The following EPB41L3 variants were observed in gnomAD, a reference collection of about 807,000 sequenced individuals.
The protein encoded by EPB41L3 is erythrocyte membrane protein band 4.1 like 3, also known as band 4.1-like protein 3.
In EPB41L3, 57 loss-of-function variants were observed where a neutral mutation model predicts 127.1. That is an observed-to-expected ratio of 0.45 (90% CI 0.36 to 0.56). The LOEUF (loss-of-function observed/expected upper bound fraction) is 0.56, where lower values mean the gene tolerates loss of function less well. EPB41L3 is among the 20% of genes least tolerant of loss of function. The probability of loss-of-function intolerance (pLI) is 0.00; values close to 1 mark genes in which losing one functional copy is unlikely to be tolerated. For synonymous variants in EPB41L3, 572 were observed against 549.5 expected (o/e 1.04, Z -0.57); for missense variants, 1,273 against 1,372.2 (o/e 0.93, Z 1.14).
At chr18:5,496,329 G>A (rs1169267766) in intron 1 of EPB41L3, among the ~76,000 whole-genome samples, 1 of 152,224 alleles carries the variant, frequency 6.6e-6, no homozygotes, top group Admixed American at 6.5e-5. Flanking sequence ...ATTTGCCTAT[G>A]CTTCTGAAAC....
intron 3 of EPB41L3, among the ~76,000 whole-genome samples, chr18:5,597,172 T>C (rs1409187533): frequency 3.3e-5 from 5 of 152,208 alleles, no homozygotes; most frequent in African/African-American, 4.8e-5. Flanking sequence ...CATTTGTTCC[T>C]AATCTCCCCC....
At chr18:5,476,447 C>G (rs1229303100) in intron 3 of EPB41L3, among the ~76,000 whole-genome samples, 1 of 152,148 alleles carries the variant, frequency 6.6e-6, no homozygotes, top group Non-Finnish European at 1.5e-5. Flanking sequence ...AGTAATGAAT[C>G]TGAAGCACAG....
intron 22 of EPB41L3, chr18:5,394,434 T>C (rs1466669178): frequency 2.4e-6 from 1 of 411,450 alleles, no homozygotes; most frequent in African/African-American, 2.0e-5. Flanking sequence ...CACACAAGCA[T>C]AGAAGCATAG....
intron 9 of EPB41L3, among the ~76,000 whole-genome samples, chr18:5,426,069 T>C (rs1381832207): frequency 6.6e-6 from 1 of 152,246 alleles, no homozygotes; most frequent in Non-Finnish European, 1.5e-5. Context: ...TCTCTGGCTG[T>C]CATTTCTTCA....
upstream of EPB41L3, among the ~76,000 whole-genome samples, chr18:5,547,157 A>C (rs1357299258): frequency 6.6e-6 from 1 of 152,206 alleles, no homozygotes; most frequent in Non-Finnish European, 1.5e-5. Context: ...GTAGAAAGCA[A>C]GGTGAAGATA....
At chr18:5,581,998 A>G (rs567224234) in intron 3 of EPB41L3, among the ~76,000 whole-genome samples, 1 of 152,336 alleles carries the variant, frequency 6.6e-6, no homozygotes, top group East Asian at 1.9e-4. Context: ...CCCTGTCTTA[A>G]AAACAAACAA....
chr18:5,483,211 GT>G (rs926457218), intron 2 of EPB41L3, among the ~76,000 whole-genome samples: 5 of 151,804 alleles, frequency 3.3e-5, no homozygotes, highest in African/African-American at 9.7e-5. Flanking sequence ...TGTATGTGTA[GT>G]TTTTTTTAGC....
intron 3 of EPB41L3, chr18:5,463,604 C>T (rs2084413784): frequency 1.3e-5 from 2 of 152,202 alleles, no homozygotes; most frequent in Non-Finnish European, 2.9e-5. Flanking sequence ...CGAGAGTGGA[C>T]TCTGTAGCTG....
At chr18:5,430,784 G>A (rs866771958) in intron 8 of EPB41L3, among the ~76,000 whole-genome samples, 7 of 150,476 alleles carry the variant, frequency 4.7e-5, no homozygotes, top group East Asian at 2.0e-4. Context: ...ATCAGGTCTC[G>A]AACACCTGGG....
At position 5,396,150 on chromosome 18, in the gene EPB41L3, T is replaced by C. The variant is rs750713407; in HGVS notation, c.2973+51A>G. Reference sequence around the variant, plus strand: ...AGTTCTATGTAAACACACTAGGCCATAGAGGGGTGAAATAAGCAGCCAGGG... The same window carrying C: ...AGTTCTATGTAAACACACTAGGCCACAGAGGGGTGAAATAAGCAGCCAGGG... On this transcript the variant is annotated intron_variant, in intron 19 of 22. Transcript: ENST00000341928. 32 of 1,608,460 alleles carry C rather than the reference T, an allele frequency of 2.0e-5. No individual in the cohort carries two copies. In the South Asian group the frequency reaches 2.3e-4, roughly 12 times the overall value.
intron 1 of EPB41L3, among the ~76,000 whole-genome samples, chr18:5,509,932 G>C (rs776698706): frequency 6.6e-6 from 1 of 152,086 alleles, no homozygotes; most frequent in African/African-American, 2.4e-5. Context: ...CACCAAACTA[G>C]AGCCAGGTTG....
intron 3 of EPB41L3, among the ~76,000 whole-genome samples, chr18:5,588,452 A>G (rs2094458415): frequency 6.6e-6 from 1 of 151,974 alleles, no homozygotes. Context: ...AACACAATAC[A>G]TATTTAAAAA....
chr18:5,496,083 C>T (rs1219455452), intron 1 of EPB41L3, among the ~76,000 whole-genome samples: 2 of 152,206 alleles, frequency 1.3e-5, no homozygotes, highest in Non-Finnish European at 2.9e-5. Flanking sequence ...ATACTTTACA[C>T]AGATAACCTG....
chr18:5,611,695 A>G (rs2094727092), intron 3 of EPB41L3, among the ~76,000 whole-genome samples: 1 of 152,196 alleles, frequency 6.6e-6, no homozygotes, highest in South Asian at 2.1e-4. Context: ...TAGGAGGCTG[A>G]GGTGGGAGGA....
Position 5,397,974 on chromosome 18 carries a change from G to T in EPB41L3, c.2472+47C>A. ...ACGCCCAAAAAAAGGGTAAGGAAAG[G>T]CACATGGGCACATTCAGAAACACCA... On this transcript the variant is annotated intron_variant, in intron 17 of 22. Coordinates refer to ENST00000341928, the MANE Select transcript of EPB41L3 (RefSeq NM_012307.5). This position sits in a 1 kb window ranked among gnomAD's most constrained non-coding sequence, Gnocchi z 4.1. 6.2e-7 allele frequency: 1 copy of T among 1,613,014 alleles called. No homozygotes were observed. Among genetic ancestry groups the T allele is most frequent in the Non-Finnish European group, 8.5e-7 (1 of 1,179,388 alleles).
At chr18:5,545,693 G>A (rs1000311381), upstream of EPB41L3, among the ~76,000 whole-genome samples, 1 of 152,166 alleles carries the variant, frequency 6.6e-6, no homozygotes, top group Non-Finnish European at 1.5e-5. Context: ...GTTCGGAGGA[G>A]ACTATGGTAT....
intron 1 of EPB41L3, among the ~76,000 whole-genome samples, chr18:5,625,243 C>A (rs907314281): frequency 6.6e-6 from 1 of 151,868 alleles, no homozygotes; most frequent in African/African-American, 2.4e-5. Context: ...GTTAGGAAGG[C>A]AGAATGAGAG....
chr18:5,413,671 A>C (rs2076462522), intron 13 of EPB41L3, among the ~76,000 whole-genome samples: 1 of 152,202 alleles, frequency 6.6e-6, no homozygotes, highest in Non-Finnish European at 1.5e-5. Context: ...CTCAGCCTGA[A>C]CTAGAATGCA....
At chr18:5,602,151 T>C (rs907819814) in intron 3 of EPB41L3, among the ~76,000 whole-genome samples, 5 of 152,216 alleles carry the variant, frequency 3.3e-5, no homozygotes, top group Non-Finnish European at 5.9e-5. Context: ...GTAAAGAAGT[T>C]TGACCTTCTG....
Sources: gnomAD v4.1 joint callset for allele counts (sites outside exome capture counted in the v4.1 genomes callset) on GRCh38, gnomAD v4.1.1 for gene constraint, Gnocchi (gnomAD v3.1) non-coding constraint, MANE v1.5 for transcripts, NCBI Gene and HGNC (gene_info 2026-07-23, HGNC 2026-07-21) for gene names.